MAP2K5: variants seen among roughly 807,000 people sequenced by gnomAD.
The protein encoded by MAP2K5 is dual specificity mitogen-activated protein kinase kinase 5.
In MAP2K5, 49 loss-of-function variants were observed where a neutral mutation model predicts 83.1. The observed-to-expected ratio is 0.59, with a 90% CI of 0.47 to 0.75. The LOEUF (loss-of-function observed/expected upper bound fraction) is 0.75. MAP2K5 is among the 30% of genes least tolerant of loss of function. The pLI is 0.00. For missense variants in MAP2K5, 457 were observed against 557.5 expected (o/e 0.82, Z 1.82); for synonymous variants, 202 against 191.8 (o/e 1.05, Z -0.44).
chr15:67,610,450 A>G (rs2085893408), intron 8 of MAP2K5, among the ~76,000 whole-genome samples: 1 of 152,120 alleles, frequency 6.6e-6, no homozygotes, highest in Non-Finnish European at 1.5e-5. Context: ...ATTTTACAGT[A>G]TTTGATGTGT....
rs150402318 is a variant in MAP2K5 at position 67,563,326 on chromosome 15, G to A, written c.228G>A (p.Glu76=). The change falls in exon 3 of 22, where the codon GAG becomes GAA. Residue 76 remains glutamate, a synonymous_variant. Transcript: ENST00000178640. The surrounding 1 kb of genome is among the most constrained non-coding windows in gnomAD (Gnocchi z 4.5). Reference sequence around the variant, plus strand: ...ATCGAATTACAGTGAGAAGTGATGAGGAAATGAAGGCAATGCTGTCATATG... The same window carrying A: ...ATCGAATTACAGTGAGAAGTGATGAAGAAATGAAGGCAATGCTGTCATATG... ...DGDRITVRSD[E]EMKAMLSYYY... 77 of 1,611,198 alleles carry A rather than the reference G, an allele frequency of 4.8e-5. No individual in the cohort carries two copies. Among genetic ancestry groups the A allele is most frequent in the Non-Finnish European group, 8.5e-6 (10 of 1,178,868 alleles).
chr15:67,673,083 A>G (rs1441957223), intron 13 of MAP2K5, among the ~76,000 whole-genome samples: 1 of 152,200 alleles, frequency 6.6e-6, no homozygotes, highest in Middle Eastern at 3.2e-3. Context: ...TATAGTTTGA[A>G]GTCAGGTAGC....
rs1355023861 is a variant in MAP2K5 at position 67,708,008 on chromosome 15, C to T, written c.1044+4600C>T. ...TAGGAAACCGAGCAAAGGAATTTCC[C>T]TGAAATTACACAGGAATCAAATACA... On this transcript the variant is annotated intron_variant, in intron 16 of 21. Transcript: ENST00000178640. This position sits in a 1 kb window ranked among gnomAD's most constrained non-coding sequence, Gnocchi z 4.9. Among the ~76,000 whole-genome samples, 3 of 152,116 alleles carry T rather than the reference C, an allele frequency of 2.0e-5. No individual in the cohort carries two copies. Among genetic ancestry groups the T allele is most frequent in the Non-Finnish European group, 4.4e-5 (3 of 68,022 alleles).
rs1333398555 is a variant in MAP2K5, at chr15:67,801,217, C to T, written c.1243-5429C>T. Among the ~76,000 whole-genome samples the T allele has an allele frequency of 6.6e-6, 1 of 152,168 alleles. No individual in the cohort carries two copies. The highest frequency in any genetic ancestry group is 2.4e-5 in the African/African-American group (1 of 41,438). ...AGCCTTCAAGCAAGGCTCACAGGTC[C>T]AGCAATGAAAGGCAAAGGGATGGGC... On this transcript the variant is annotated intron_variant, in intron 21 of 21. Coordinates refer to ENST00000178640, the MANE Select transcript of MAP2K5 (RefSeq NM_145160.3). This position sits in a 1 kb window ranked among gnomAD's most constrained non-coding sequence, Gnocchi z 4.8.
chr15:67,619,872 C>A (rs918722680), intron 8 of MAP2K5, among the ~76,000 whole-genome samples: 1 of 151,864 alleles, frequency 6.6e-6, no homozygotes, highest in African/African-American at 2.4e-5. Flanking sequence ...TCAAGACCAG[C>A]CTGGGCAACA....
intron 16 of MAP2K5, among the ~76,000 whole-genome samples, chr15:67,704,604 A>C (rs1204825454): frequency 6.6e-6 from 1 of 152,238 alleles, no homozygotes; most frequent in African/African-American, 2.4e-5. Flanking sequence ...AACGTTTATT[A>C]AATCATATTC....
At chr15:67,692,887 G>C (rs2088152811) in intron 14 of MAP2K5, among the ~76,000 whole-genome samples, 2 of 152,110 alleles carry the variant, frequency 1.3e-5, no homozygotes, top group African/African-American at 2.4e-5. Context: ...AGCCCAACTG[G>C]CCCACAATAA....
chr15:67,654,834 G>A (rs1003335663), intron 11 of MAP2K5, among the ~76,000 whole-genome samples: 2 of 152,110 alleles, frequency 1.3e-5, no homozygotes, highest in Non-Finnish European at 1.5e-5. Context: ...GCCGAGGTGC[G>A]CGGATCACCT....
At chr15:67,560,478 T>A (rs1200254049) in intron 2 of MAP2K5, among the ~76,000 whole-genome samples, 1 of 152,260 alleles carries the variant, frequency 6.6e-6, no homozygotes, top group East Asian at 1.9e-4. Context: ...CAACAACTAT[T>A]CATCAGTATG....
chr15:67,578,127 C>T (rs1238344928), intron 3 of MAP2K5, among the ~76,000 whole-genome samples: 1 of 152,218 alleles, frequency 6.6e-6, no homozygotes, highest in Non-Finnish European at 1.5e-5. Context: ...TAACATGAGG[C>T]ACAGTGAGCA....
rs1446957231 is a variant in MAP2K5, at chr15:67,748,524, T to C, written c.1102-45T>C. The C allele has an allele frequency of 3.8e-6, 6 of 1,575,774 alleles. No homozygotes were observed. The East Asian group carries it at 1.1e-4, about 29-fold the overall frequency. On this transcript the variant is annotated intron_variant, in intron 18 of 21. Transcript: ENST00000178640. The surrounding 1 kb of genome is among the most constrained non-coding windows in gnomAD (Gnocchi z 4.0). ...TTCTTTCCACTCCACTGTAAAGATA[T>C]TGCATAGAGGCTAATACTTTTTCCT...
chr15:67,742,790 C>G (rs150947915), intron 17 of MAP2K5, among the ~76,000 whole-genome samples: 1 of 152,310 alleles, frequency 6.6e-6, no homozygotes, highest in African/African-American at 2.4e-5. Flanking sequence ...GTGCAATTAC[C>G]AACAGGAAGA....
intron 8 of MAP2K5, among the ~76,000 whole-genome samples, chr15:67,614,174 G>A (rs1196705076): frequency 6.6e-6 from 1 of 152,142 alleles, no homozygotes; most frequent in Admixed American, 6.5e-5. Flanking sequence ...GATAGGAATC[G>A]TGAAGCATTC....
chr15:67,745,184 G>A (rs950507040), intron 17 of MAP2K5, among the ~76,000 whole-genome samples: 3 of 152,148 alleles, frequency 2.0e-5, no homozygotes, highest in Admixed American at 2.0e-4. Context: ...CTCAACACAC[G>A]CAAAATGTAT....
chr15:67,596,223 C>A (rs1291904050), intron 7 of MAP2K5, among the ~76,000 whole-genome samples: 2 of 152,214 alleles, frequency 1.3e-5, no homozygotes, highest in South Asian at 2.1e-4. Flanking sequence ...GAGTTTGAGA[C>A]CAGCCTGGCC....
Position 67,758,532 on chromosome 15 carries a change from C to T in MAP2K5, c.1134+9931C>T, listed in dbSNP as rs952303777. On this transcript the variant is annotated intron_variant, in intron 19 of 21. Coordinates refer to ENST00000178640, the MANE Select transcript of MAP2K5 (RefSeq NM_145160.3). The surrounding 1 kb of genome is among the most constrained non-coding windows in gnomAD (Gnocchi z 4.7). Reference sequence around the variant, plus strand: ...AAGTTCCTAGACATTTTATTTCTGTCTTCCTAGTACTGCACCTAACATCCT... The same window carrying T: ...AAGTTCCTAGACATTTTATTTCTGTTTTCCTAGTACTGCACCTAACATCCT... Among the ~76,000 whole-genome samples, 1 of 152,142 alleles carries T rather than the reference C, an allele frequency of 6.6e-6. No homozygotes were observed. Among genetic ancestry groups the T allele is most frequent in the Non-Finnish European group, 1.5e-5 (1 of 68,020 alleles).
intron 15 of MAP2K5, among the ~76,000 whole-genome samples, chr15:67,696,459 C>T (rs760896804): frequency 2.4e-4 from 37 of 152,132 alleles, no homozygotes; most frequent in African/African-American, 8.2e-4. Flanking sequence ...GACCCTTTAC[C>T]GAAAAAGTTT....
intron 13 of MAP2K5, among the ~76,000 whole-genome samples, chr15:67,675,662 A>C (rs1237038160): frequency 6.6e-6 from 1 of 152,156 alleles, no homozygotes; most frequent in African/African-American, 2.4e-5. Flanking sequence ...TAACTGTGTA[A>C]ATCTATAGTT....
intron 6 of MAP2K5, 97 bp from the exon 7 acceptor site, chr15:67,592,829 C>A: frequency 1.2e-6 from 1 of 823,780 alleles, no homozygotes; most frequent in Non-Finnish European, 2.0e-6. Context: ...TGCTCAATCC[C>A]TATATGTAAA....
Sources: gnomAD v4.1 joint callset for allele counts (sites outside exome capture counted in the v4.1 genomes callset) on GRCh38, gnomAD v4.1.1 for gene constraint, Gnocchi (gnomAD v3.1) non-coding constraint, MANE v1.5 for transcripts, NCBI Gene and HGNC (gene_info 2026-07-23, HGNC 2026-07-21) for gene names.